EXT1: variants seen among roughly 807,000 people sequenced by gnomAD.
The protein encoded by EXT1 is exostosin-1.
A neutral mutation model predicts 82.5 loss-of-function variants in EXT1; 20 were observed. The ratio of observed to expected loss-of-function variants is 0.24; its 90% CI spans 0.17 to 0.35. The LOEUF is 0.35. Among genes scored for constraint, EXT1 ranks in the 10% least tolerant of loss-of-function variants. The pLI is 1.00. For missense variants in EXT1, 757 were observed against 936.5 expected (o/e 0.81, Z 2.50); for synonymous variants, 348 against 350.8 (o/e 0.99, Z 0.09).
intron 1 of EXT1, among the ~76,000 whole-genome samples, chr8:118,072,717 G>A (rs754224975): frequency 2.6e-5 from 4 of 152,334 alleles, no homozygotes; most frequent in South Asian, 2.1e-4. Flanking sequence ...TAGCTTGGCC[G>A]TGTCTTTTTT....
chr8:117,861,153 C>T (rs1270298472), intron 1 of EXT1, among the ~76,000 whole-genome samples: 3 of 152,158 alleles, frequency 2.0e-5, no homozygotes, highest in Admixed American at 6.6e-5. Flanking sequence ...CAGACATCTA[C>T]GTCCCCAACA....
intron 1 of EXT1, among the ~76,000 whole-genome samples, chr8:117,975,596 A>G (rs1055270356): frequency 6.6e-6 from 1 of 151,684 alleles, no homozygotes; most frequent in Non-Finnish European, 1.5e-5. Flanking sequence ...CTCTCTCATC[A>G]CCACCCCCCA....
At chr8:118,040,085 C>T (rs995365609) in intron 1 of EXT1, among the ~76,000 whole-genome samples, 1 of 152,114 alleles carries the variant, frequency 6.6e-6, no homozygotes, top group South Asian at 2.1e-4. Context: ...CAGTGTTTGA[C>T]CTCTGGAACT....
intron 1 of EXT1, among the ~76,000 whole-genome samples, chr8:118,099,633 G>A (rs1817681675): frequency 1.3e-5 from 2 of 152,174 alleles, no homozygotes; most frequent in East Asian, 1.9e-4. Context: ...ATGCTCTTAG[G>A]CAAACCACTT....
chr8:117,968,437 A>G (rs1212983836), intron 1 of EXT1, among the ~76,000 whole-genome samples: 1 of 152,014 alleles, frequency 6.6e-6, no homozygotes, highest in Non-Finnish European at 1.5e-5. Flanking sequence ...ACTTTTTTCA[A>G]ATGAGGCAAT....
chr8:117,926,064 G>A (rs1813947981), intron 1 of EXT1, among the ~76,000 whole-genome samples: 2 of 152,204 alleles, frequency 1.3e-5, no homozygotes, highest in African/African-American at 4.8e-5. Context: ...GTCCATAGAA[G>A]AGACCGCACT....
At chr8:117,944,622 C>T (rs889724446) in intron 1 of EXT1, among the ~76,000 whole-genome samples, 1 of 152,118 alleles carries the variant, frequency 6.6e-6, no homozygotes, top group Non-Finnish European at 1.5e-5. Flanking sequence ...ATGACACATA[C>T]ACAATAGGTT....
chr8:118,095,813 A>T (rs1817600722), intron 1 of EXT1, among the ~76,000 whole-genome samples: 1 of 152,260 alleles, frequency 6.6e-6, no homozygotes, highest in Non-Finnish European at 1.5e-5. Context: ...TCATTGCAAT[A>T]CAGGACACCC....
chr8:118,109,995 GCCCTCACCCCAT>G, intron 1 of EXT1, 78 bp downstream of exon 1: 1 of 1,596,234 alleles, frequency 6.3e-7, no homozygotes, highest in South Asian at 1.1e-5. Context: ...GGGCTCATCC[GCCCTCACCCCAT>G]CCCCCAACTT....
chr8:118,053,528 C>T (rs568806318), intron 1 of EXT1, among the ~76,000 whole-genome samples: 4 of 152,154 alleles, frequency 2.6e-5, no homozygotes, highest in African/African-American at 7.2e-5. Flanking sequence ...AATTTTTTAA[C>T]GGGTCTTTTC....
chr8:117,936,994 C>T (rs1053557572), intron 1 of EXT1, among the ~76,000 whole-genome samples: 2 of 152,210 alleles, frequency 1.3e-5, no homozygotes, highest in Non-Finnish European at 2.9e-5. Context: ...GCACCTGCCA[C>T]ACAGGAGATG....
chr8:117,872,000 C>T (rs867282561), intron 1 of EXT1, among the ~76,000 whole-genome samples: 9 of 152,112 alleles, frequency 5.9e-5, no homozygotes, highest in Non-Finnish European at 8.8e-5. Context: ...CATGGGGTGG[C>T]GTGTACCTGT....
chr8:117,916,747 T>C (rs1254363193), intron 1 of EXT1, among the ~76,000 whole-genome samples: 1 of 151,984 alleles, frequency 6.6e-6, no homozygotes, highest in African/African-American at 2.4e-5. Flanking sequence ...ACCCCGTCTC[T>C]ACTAAAAATA....
intron 1 of EXT1, among the ~76,000 whole-genome samples, chr8:117,935,873 T>C (rs927695130): frequency 8.5e-5 from 13 of 152,328 alleles, no homozygotes; most frequent in African/African-American, 2.9e-4. Context: ...TAATATTTAA[T>C]GAAACCAAAT....
chr8:118,060,141 G>GA (rs1816860100), intron 1 of EXT1, among the ~76,000 whole-genome samples: 1 of 152,156 alleles, frequency 6.6e-6, no homozygotes, highest in Non-Finnish European at 1.5e-5. Context: ...AGGTAAAAAT[G>GA]AGTAAGTGAC....
At chr8:117,908,411 C>A (rs1177061846) in intron 1 of EXT1, among the ~76,000 whole-genome samples, 1 of 152,140 alleles carries the variant, frequency 6.6e-6, no homozygotes, top group Non-Finnish European at 1.5e-5. Context: ...AGGAAGATCA[C>A]CTGAGGTCAG....
At chr8:117,852,633 T>C (rs372115585) in intron 1 of EXT1, among the ~76,000 whole-genome samples, 1 of 152,174 alleles carries the variant, frequency 6.6e-6, no homozygotes, top group African/African-American at 2.4e-5. Flanking sequence ...CCTAATAAGC[T>C]TGTGGAGTCT....
chr8:118,065,493 T>A (rs190067986), intron 1 of EXT1, among the ~76,000 whole-genome samples: 1 of 152,294 alleles, frequency 6.6e-6, no homozygotes, highest in Admixed American at 6.5e-5. Flanking sequence ...CAAAGTTGCA[T>A]CAAAAAAGTT....
At chr8:117,828,319 G>C (rs1812041166) in intron 4 of EXT1, among the ~76,000 whole-genome samples, 1 of 152,060 alleles carries the variant, frequency 6.6e-6, no homozygotes, top group African/African-American at 2.4e-5. Flanking sequence ...GGGTAGTCGA[G>C]GCAGGAGGAC....
Sources: allele counts gnomAD v4.1 joint callset (sites outside exome capture counted in the v4.1 genomes callset), GRCh38; gene constraint gnomAD v4.1.1; transcripts MANE v1.5; gene names NCBI Gene and HGNC (gene_info 2026-07-23, HGNC 2026-07-21).